The following RIN2 variants were observed in gnomAD, a reference collection of about 807,000 sequenced individuals.
RIN2 encodes the protein RAB5 interacting protein 2.
In RIN2, 36 loss-of-function variants were observed where a neutral mutation model predicts 78.0. The observed-to-expected ratio is 0.46, with a 90% CI of 0.35 to 0.61. The LOEUF is 0.61. RIN2 is among the 20% of genes least tolerant of loss of function. The probability of loss-of-function intolerance (pLI) is 0.00; values close to 1 mark genes in which losing one functional copy is unlikely to be tolerated. For synonymous variants in RIN2, 466 were observed against 466.8 expected, an observed-to-expected ratio of 1.00 and a Z score of 0.02; for missense variants, 1,087 against 1,159.7, an observed-to-expected ratio of 0.94 and a Z score of 0.91.
At chr20:19,931,120 C>T (rs1416177858) in intron 3 of RIN2, among the ~76,000 whole-genome samples, 2 of 152,040 alleles carry the variant, frequency 1.3e-5, no homozygotes, top group Admixed American at 6.6e-5. Flanking sequence ...CACACGTGAC[C>T]GAGCCCATTG....
intron 2 of RIN2, among the ~76,000 whole-genome samples, chr20:19,819,114 TAGA>T (rs2035856986): frequency 6.6e-6 from 1 of 152,246 alleles, no homozygotes; most frequent in South Asian, 2.1e-4. Context: ...GGGAAAGGAT[TAGA>T]AGGTGTCTTA....
chr20:19,883,355 T>A (rs1301648190), intron 2 of RIN2, among the ~76,000 whole-genome samples: 1 of 151,210 alleles, frequency 6.6e-6, no homozygotes, highest in African/African-American at 2.4e-5. Context: ...TTTTTTTTTT[T>A]TTTAGACCTG....
intron 2 of RIN2, among the ~76,000 whole-genome samples, chr20:19,832,778 C>T (rs954359264): frequency 6.6e-6 from 1 of 152,082 alleles, no homozygotes; most frequent in African/African-American, 2.4e-5. Context: ...GACGAATGCT[C>T]TGTCCTCATG....
intron 2 of RIN2, among the ~76,000 whole-genome samples, chr20:19,879,644 T>G (rs1012853231): frequency 1.3e-5 from 2 of 152,164 alleles, no homozygotes; most frequent in South Asian, 2.1e-4. Flanking sequence ...GCTTCACTGG[T>G]CGATATATTT....
At position 19,970,924 on chromosome 20, in the gene RIN2, G is replaced by T. The variant is rs746377605; in HGVS notation, c.623G>T (p.Gly208Val). Residue 208 changes from glycine (G) to valine (V), a missense_variant, in exon 8 of 13, where the codon GGA (glycine) becomes GTA (valine). By Grantham distance (109) the Gly-to-Val change is moderately radical. Around this residue, in one of 8 missense-constraint regions of RIN2, gnomAD observed 706 missense variants for 667.5 expected, o/e 1.06. Transcript: ENST00000255006. ...CAGCTTGAAGAACTGGCCCAGATGG[G>T]ACTAAGTAAGTGTGTGCCCCCTGCC... ...EAQLEELAQMGLNFWSSPADS... is the reference protein window; with the variant it reads ...EAQLEELAQMVLNFWSSPADS... 1 of 1,611,308 alleles carries T rather than the reference G, an allele frequency of 6.2e-7. No individual in the cohort carries two copies.
intron 6 of RIN2, among the ~76,000 whole-genome samples, chr20:19,961,500 AG>A (rs1245698072): frequency 6.6e-6 from 1 of 152,134 alleles, no homozygotes; most frequent in Non-Finnish European, 1.5e-5. Flanking sequence ...TGCACATCAA[AG>A]GGGGAGGAGT....
chr20:19,972,162 G>A (rs1600997713), intron 8 of RIN2, among the ~76,000 whole-genome samples: 1 of 152,132 alleles, frequency 6.6e-6, no homozygotes, highest in African/African-American at 2.4e-5. Flanking sequence ...CCATAGAAAC[G>A]TCCCTATTTA....
intron 3 of RIN2, among the ~76,000 whole-genome samples, chr20:19,895,445 C>A (rs1332889366): frequency 6.6e-6 from 1 of 152,110 alleles, no homozygotes; most frequent in East Asian, 1.9e-4. Context: ...GTGTAGAGTA[C>A]CCCCTTTCTA....
intron 5 of RIN2, among the ~76,000 whole-genome samples, chr20:19,958,751 C>T (rs2041638798): frequency 1.3e-5 from 2 of 152,202 alleles, no homozygotes; most frequent in African/African-American, 2.4e-5. Flanking sequence ...CACCCATAAC[C>T]CCAGCTACTC....
At chr20:19,955,413 TGCAGCCTTAAACTCCCAGGCTAGA>T (rs2041493009) in intron 4 of RIN2, among the ~76,000 whole-genome samples, 1 of 152,170 alleles carries the variant, frequency 6.6e-6, no homozygotes, top group Admixed American at 6.5e-5. Flanking sequence ...CATGGCTTAC[TGCAGCCTTAAACTCCCAGGCTAGA>T]GCCATCCTCC....
chr20:19,911,738 C>CGTGT (rs2039475120), intron 3 of RIN2, among the ~76,000 whole-genome samples: 1 of 67,512 alleles, frequency 1.5e-5, no homozygotes. Flanking sequence ...CATTTCATTC[C>CGTGT]GTGAATTTTT....
intron 2 of RIN2, among the ~76,000 whole-genome samples, chr20:19,853,324 A>G (rs561745784): frequency 5.1e-4 from 77 of 152,260 alleles, no homozygotes; most frequent in African/African-American, 1.8e-3. Flanking sequence ...GCTATTGTGA[A>G]TAATGCTGCA....
chr20:19,811,195 A>AG (rs1387111819), intron 2 of RIN2, among the ~76,000 whole-genome samples: 1 of 151,978 alleles, frequency 6.6e-6, no homozygotes, highest in East Asian at 1.9e-4. Flanking sequence ...AGAAGGATGG[A>AG]GGAGGGGTAG....
intron 2 of RIN2, among the ~76,000 whole-genome samples, chr20:19,812,778 T>TA (rs1384548931): frequency 6.6e-6 from 1 of 152,214 alleles, no homozygotes; most frequent in Admixed American, 6.5e-5. Context: ...AATCTTTTGT[T>TA]AAAAATAGTC....
chr20:19,808,053 TC>T (rs1373314787), intron 2 of RIN2, among the ~76,000 whole-genome samples: 1 of 152,254 alleles, frequency 6.6e-6, no homozygotes, highest in East Asian at 1.9e-4. Context: ...TGATTAAATG[TC>T]TTTCCAAACA....
At chr20:19,843,001 G>C (rs2036630710) in intron 2 of RIN2, among the ~76,000 whole-genome samples, 1 of 152,132 alleles carries the variant, frequency 6.6e-6, no homozygotes, top group Non-Finnish European at 1.5e-5. Context: ...CAAGACTTCT[G>C]TGGAGGAATC....
intron 1 of RIN2, among the ~76,000 whole-genome samples, chr20:19,798,463 G>C (rs1259994388): frequency 6.6e-6 from 1 of 151,994 alleles, no homozygotes; most frequent in East Asian, 1.9e-4. Flanking sequence ...GAGCCTGACA[G>C]AGGAGCCAAG....
At chr20:19,931,127 A>G (rs766706926) in intron 3 of RIN2, among the ~76,000 whole-genome samples, 12 of 152,118 alleles carry the variant, frequency 7.9e-5, no homozygotes, top group Non-Finnish European at 1.2e-4. Context: ...GACCGAGCCC[A>G]TTGACCTGTG....
chr20:19,769,225 G>C (rs377141023), intron 1 of RIN2, among the ~76,000 whole-genome samples: 1 of 152,162 alleles, frequency 6.6e-6, no homozygotes, highest in Non-Finnish European at 1.5e-5. Flanking sequence ...ATGAGCCACC[G>C]TGCCGTGCCC....
Sources: gnomAD v4.1 joint callset for allele counts (sites outside exome capture counted in the v4.1 genomes callset) on GRCh38, gnomAD v4.1.1 for gene constraint, gnomAD v4.1.1 regional missense constraint, MANE v1.5 for transcripts, NCBI Gene and HGNC (gene_info 2026-07-23, HGNC 2026-07-21) for gene names.